The following RAB8B variants were observed in gnomAD, a reference collection of about 807,000 sequenced individuals.
The protein encoded by RAB8B is RAB8B, member RAS oncogene family.
RAB8B carries 11 observed loss-of-function variants against 32.0 expected under a neutral mutation model. The ratio of observed to expected loss-of-function variants is 0.34; its 90% confidence interval spans 0.22 to 0.57. The LOEUF (loss-of-function observed/expected upper bound fraction) is 0.57, where lower values mean the gene tolerates loss of function less well. Among genes scored for constraint, RAB8B ranks in the 20% least tolerant of loss-of-function variants. The probability of loss-of-function intolerance (pLI) is 0.86; values close to 1 mark genes in which losing one functional copy is unlikely to be tolerated. For synonymous variants in RAB8B, 103 were observed against 89.6 expected, an observed-to-expected ratio of 1.15 and a Z score of -0.85; for missense variants, 190 against 258.5, an observed-to-expected ratio of 0.73 and a Z score of 1.82.
intron 1 of RAB8B, among the ~76,000 whole-genome samples, chr15:63,207,364 A>C (rs1276414121): frequency 2.0e-5 from 3 of 151,964 alleles, no homozygotes; most frequent in Non-Finnish European, 4.4e-5. Flanking sequence ...TGACTACCCA[A>C]CTTTCTGTCT....
intron 1 of RAB8B, among the ~76,000 whole-genome samples, chr15:63,206,553 AC>A (rs1329598985): frequency 6.6e-6 from 1 of 151,946 alleles, no homozygotes; most frequent in African/African-American, 2.4e-5. Context: ...GCCAGTGCTA[AC>A]CTGTTGGTTG....
chr15:63,231,507 T>G (rs562598265), intron 1 of RAB8B, among the ~76,000 whole-genome samples: 11 of 152,144 alleles, frequency 7.2e-5, no homozygotes, highest in African/African-American at 2.4e-4. Flanking sequence ...TTTGTTTTTT[T>G]TTTTAACTTC....
At chr15:63,234,425 T>C (rs1481261846) in intron 1 of RAB8B, among the ~76,000 whole-genome samples, 1 of 152,242 alleles carries the variant, frequency 6.6e-6, no homozygotes, top group Admixed American at 6.5e-5. Context: ...TCTGTCCCTT[T>C]ACCATGTTCA....
chr15:63,229,868 T>C (rs545113024), intron 1 of RAB8B, among the ~76,000 whole-genome samples: 1 of 149,230 alleles, frequency 6.7e-6, no homozygotes, highest in African/African-American at 2.5e-5. Context: ...ATAAAGTTAG[T>C]AGAGTGTCTT....
At chr15:63,192,120 G>A (rs1311967809) in intron 1 of RAB8B, among the ~76,000 whole-genome samples, 1 of 152,190 alleles carries the variant, frequency 6.6e-6, no homozygotes, top group Non-Finnish European at 1.5e-5. Context: ...AGTTGACGTG[G>A]AGGAGGGGAA....
chr15:63,217,682 T>C lies in RAB8B; in HGVS notation c.125-27074T>C, dbSNP rs2037805112. On this transcript the variant is annotated intron_variant, in intron 1 of 7. Transcript: ENST00000321437. The stretch of plus-strand genomic sequence containing the variant: ...TGCTGTATAATTAAAGCATTGCCTT[T>C]AATAATATTTTATTACCTTTAGCTT... Among the ~76,000 whole-genome samples, 3 of 152,256 alleles carry C rather than the reference T, an allele frequency of 2.0e-5. No homozygotes were observed. The East Asian group carries it at 5.8e-4, about 29-fold the overall frequency.
At position 63,264,249 on chromosome 15, in the gene RAB8B, C is replaced by A. The variant is rs2152586414; in HGVS notation, c.*630C>A. On this transcript the variant is annotated 3_prime_UTR_variant, in exon 8 of 8. Coordinates refer to ENST00000321437, the MANE Select transcript of RAB8B (RefSeq NM_016530.3). ...TCATCCCCGACCTGTTTTCCAGAGT[C>A]TGGGTAGCTGAATGAATCACTTTAA... 1 of 152,298 alleles carries A rather than the reference C, an allele frequency of 6.6e-6. No individual in the cohort carries two copies. The highest frequency in any genetic ancestry group is 1.9e-4 in the East Asian group (1 of 5,190). The allele number at this position is 152,298 out of a possible 1,614,324, so 9.4% of individuals were successfully genotyped here.
intron 1 of RAB8B, among the ~76,000 whole-genome samples, chr15:63,229,749 C>G (rs2037919203): frequency 7.6e-6 from 1 of 130,738 alleles, no homozygotes; most frequent in Non-Finnish European, 1.5e-5. Context: ...CCACGGCACT[C>G]CAGCCTAGGT....
intron 1 of RAB8B, among the ~76,000 whole-genome samples, chr15:63,221,204 A>T (rs1228612690): frequency 6.6e-6 from 1 of 152,196 alleles, no homozygotes; most frequent in African/African-American, 2.4e-5. Context: ...CTGAGGTTTT[A>T]TGCTGAGGAA....
chr15:63,245,757 G>A (rs2038065636), intron 2 of RAB8B, among the ~76,000 whole-genome samples: 1 of 152,206 alleles, frequency 6.6e-6, no homozygotes, highest in Admixed American at 6.5e-5. Flanking sequence ...TTTGGAATAT[G>A]TGCATATACA....
chr15:63,246,458 T>C (rs993805954), intron 2 of RAB8B, among the ~76,000 whole-genome samples: 3 of 150,504 alleles, frequency 2.0e-5, no homozygotes, highest in Admixed American at 6.6e-5. Flanking sequence ...AAACACTTTA[T>C]TTATGTTTAC....
At chr15:63,199,264 A>C (rs1158988940) in intron 1 of RAB8B, among the ~76,000 whole-genome samples, 2 of 152,232 alleles carry the variant, frequency 1.3e-5, no homozygotes, top group Non-Finnish European at 2.9e-5. Context: ...TAGCAATTGG[A>C]GTAAACTATT....
At chr15:63,206,664 C>G (rs2037700586) in intron 1 of RAB8B, among the ~76,000 whole-genome samples, 2 of 152,098 alleles carry the variant, frequency 1.3e-5, no homozygotes, top group Non-Finnish European at 2.9e-5. Flanking sequence ...GTCTAGTTCT[C>G]TGCTTGCCCT....
chr15:63,231,350 G>T (rs1047210506), intron 1 of RAB8B, among the ~76,000 whole-genome samples: 5 of 152,162 alleles, frequency 3.3e-5, no homozygotes, highest in African/African-American at 9.7e-5. Context: ...CTTGGAAAGA[G>T]CCAAATAATC....
rs1363674630 is a variant in RAB8B at position 63,223,012 on chromosome 15, C to T, written c.125-21744C>T. Reference sequence around the variant, plus strand: ...CAGTAATGTCCTAGGCCTTCACATTCACTCATCACTCTCTCATTGATTCCT... The same window carrying T: ...CAGTAATGTCCTAGGCCTTCACATTTACTCATCACTCTCTCATTGATTCCT... On this transcript the variant is annotated intron_variant, in intron 1 of 7. Coordinates refer to ENST00000321437, the MANE Select transcript of RAB8B (RefSeq NM_016530.3). The T allele has an allele frequency of 1.5e-5, 7 of 455,850 alleles. No individual in the cohort carries two copies. The East Asian group carries it at 4.9e-4, about 32-fold the overall frequency. 28.2% of individuals were successfully genotyped at this position (455,850 alleles called of 1,614,324 possible).
At chr15:63,202,962 G>A (rs530603393) in intron 1 of RAB8B, among the ~76,000 whole-genome samples, 2 of 152,200 alleles carry the variant, frequency 1.3e-5, no homozygotes, top group African/African-American at 2.4e-5. Flanking sequence ...AAGTCTCTGA[G>A]CCCTCTCTTA....
At chr15:63,245,201 C>T (rs191397195) in intron 2 of RAB8B, among the ~76,000 whole-genome samples, 41 of 152,332 alleles carry the variant, frequency 2.7e-4, no homozygotes, top group Non-Finnish European at 4.9e-4. Flanking sequence ...AGGTTCTAGC[C>T]AGGATGCCTC....
intron 1 of RAB8B, among the ~76,000 whole-genome samples, chr15:63,206,755 C>A (rs1160838336): frequency 6.6e-6 from 1 of 152,092 alleles, no homozygotes. Flanking sequence ...TCTCAAGTCA[C>A]CCATCTCCCC....
chr15:63,208,242 T>TGG (rs1433425495), intron 1 of RAB8B, among the ~76,000 whole-genome samples: 1 of 152,218 alleles, frequency 6.6e-6, no homozygotes, highest in Non-Finnish European at 1.5e-5. Flanking sequence ...CCTCAACATC[T>TGG]GTGCTGGGTG....
Sources: allele counts gnomAD v4.1 joint callset (sites outside exome capture counted in the v4.1 genomes callset), GRCh38; gene constraint gnomAD v4.1.1; transcripts MANE v1.5; gene names NCBI Gene and HGNC (gene_info 2026-07-23, HGNC 2026-07-21).